MAPK8: variants seen among roughly 807,000 people sequenced by gnomAD.
The protein encoded by MAPK8 is JUN N-terminal kinase.
MAPK8 carries 13 observed loss-of-function variants against 52.9 expected under a neutral mutation model. That is an observed-to-expected ratio of 0.25 (90% CI 0.16 to 0.39). The LOEUF (loss-of-function observed/expected upper bound fraction) is 0.39. MAPK8 is among the 10% of genes least tolerant of loss of function. MAPK8 has a pLI of 1.00. For missense variants in MAPK8, 300 were observed against 519.2 expected, an observed-to-expected ratio of 0.58 and a Z score of 4.10; for synonymous variants, 191 against 169.8, an observed-to-expected ratio of 1.12 and a Z score of -0.97.
chr10:48,397,363 C>T (rs1429617008), intron 1 of MAPK8, among the ~76,000 whole-genome samples: 2 of 151,702 alleles, frequency 1.3e-5, no homozygotes, highest in African/African-American at 2.4e-5. Context: ...TCTATGTTGC[C>T]TAGGCTGGTC....
At chr10:48,382,455 A>G (rs942207818) in intron 1 of MAPK8, among the ~76,000 whole-genome samples, 3 of 152,152 alleles carry the variant, frequency 2.0e-5, no homozygotes, top group Admixed American at 6.5e-5. Context: ...AAAAATACAA[A>G]CATAAGTGAA....
intron 5 of MAPK8, among the ~76,000 whole-genome samples, chr10:48,410,780 C>T (rs990507661): frequency 1.3e-5 from 2 of 152,192 alleles, no homozygotes; most frequent in Non-Finnish European, 2.9e-5. Context: ...TCTTCACATC[C>T]TTGTCAGTAC....
intron 10 of MAPK8, 73 bp from the exon 11 acceptor site, chr10:48,431,120 C>G (rs1038244521): frequency 2.2e-6 from 2 of 923,554 alleles, no homozygotes; most frequent in East Asian, 2.5e-5. Context: ...AAAATTTCCA[C>G]TTAAACCATA....
intron 7 of MAPK8, chr10:48,424,646 A>G: frequency 9.0e-7 from 1 of 1,116,126 alleles, no homozygotes; most frequent in Non-Finnish European, 1.3e-6. Flanking sequence ...ATAGCACTTC[A>G]GTTTGGTCAG....
At chr10:48,325,235 C>T (rs1162902180) in intron 1 of MAPK8, among the ~76,000 whole-genome samples, 1 of 152,150 alleles carries the variant, frequency 6.6e-6, no homozygotes, top group African/African-American at 2.4e-5. Flanking sequence ...CTTGGCCTCC[C>T]GCCTGTCATC....
intron 1 of MAPK8, among the ~76,000 whole-genome samples, chr10:48,354,290 G>A (rs924263573): frequency 2.0e-5 from 3 of 152,204 alleles, no homozygotes; most frequent in Non-Finnish European, 2.9e-5. Flanking sequence ...TTTTTGCCCA[G>A]GGGGCATTTG....
rs796933310 is a variant in MAPK8, at chr10:48,425,118, A to G, written c.689-770A>G. On this transcript the variant is annotated intron_variant, in intron 7 of 11. Transcript: ENST00000374189. ...TTTTGTTCATCCCACTACTTTTAAT[A>G]TTTATATTAACAGTGATTTGTTATG... is the stretch of plus-strand genomic sequence containing the variant. The G allele has an allele frequency of 2.8e-5, 20 of 714,196 alleles. No individual in the cohort carries two copies. The African/African-American group carries it at 3.3e-4, about 12-fold the overall frequency. The allele number at this position is 714,196 out of a possible 1,614,324, so 44.2% of individuals were successfully genotyped here.
At chr10:48,425,087 C>A (rs1451856850) in intron 7 of MAPK8, 2 of 684,882 alleles carry the variant, frequency 2.9e-6, no homozygotes. Context: ...GCTTTGGATT[C>A]ATACTTTTTG....
chr10:48,324,503 G>GTTTTTTTTTTTTTGGTTTTTTTTTT (rs529248037), intron 1 of MAPK8, among the ~76,000 whole-genome samples: 16 of 118,016 alleles, frequency 1.4e-4, no homozygotes, highest in South Asian at 5.8e-4. Flanking sequence ...CTGTTTTCTA[G>GTTTTTTTTTTTTTGGTTTTTTTTTT]TTTTTTTTTT....
At chr10:48,341,564 A>G (rs1055669491) in intron 1 of MAPK8, among the ~76,000 whole-genome samples, 1 of 152,228 alleles carries the variant, frequency 6.6e-6, no homozygotes, top group African/African-American at 2.4e-5. Context: ...AAGCTATAGT[A>G]GATTTCATTT....
At chr10:48,416,943 A>G (rs149823201) in intron 5 of MAPK8, among the ~76,000 whole-genome samples, 1 of 152,218 alleles carries the variant, frequency 6.6e-6, no homozygotes, top group East Asian at 1.9e-4. Context: ...TCTTACCTAT[A>G]AAAGATTGGG....
chr10:48,369,464 C>T (rs1436379539), intron 1 of MAPK8, among the ~76,000 whole-genome samples: 1 of 152,042 alleles, frequency 6.6e-6, no homozygotes, highest in African/African-American at 2.4e-5. Context: ...TGTGCACGTG[C>T]AGAGTTTGAG....
intron 1 of MAPK8, among the ~76,000 whole-genome samples, chr10:48,342,389 G>C (rs903243641): frequency 3.9e-5 from 6 of 152,086 alleles, no homozygotes; most frequent in Admixed American, 3.9e-4. Flanking sequence ...ACAGCCATGA[G>C]CCACCACACC....
At chr10:48,405,091 A>G (rs954898855) in intron 3 of MAPK8, 110 bp downstream of exon 3, 1 of 448,572 alleles carries the variant, frequency 2.2e-6, no homozygotes, top group Non-Finnish European at 3.8e-6. Context: ...CTGTATTAAA[A>G]CATTGTTTAA....
At chr10:48,412,331 T>C (rs772771210) in intron 5 of MAPK8, among the ~76,000 whole-genome samples, 26 of 152,078 alleles carry the variant, frequency 1.7e-4, no homozygotes, top group Non-Finnish European at 3.1e-4. Context: ...GCAGATCTCT[T>C]TATGTTTATC....
At chr10:48,322,914 A>T (rs1396753270) in intron 1 of MAPK8, among the ~76,000 whole-genome samples, 2 of 152,154 alleles carry the variant, frequency 1.3e-5, no homozygotes, top group Non-Finnish European at 2.9e-5. Context: ...GGACTTGGGC[A>T]GGTGTCCAGT....
At chr10:48,327,355 T>C (rs1445344473) in intron 1 of MAPK8, among the ~76,000 whole-genome samples, 1 of 152,266 alleles carries the variant, frequency 6.6e-6, no homozygotes, top group Non-Finnish European at 1.5e-5. Context: ...TTGATTTATC[T>C]TCATTAGCCT....
chr10:48,405,275 A>T (rs1295989860), intron 3 of MAPK8, among the ~76,000 whole-genome samples: 1 of 152,184 alleles, frequency 6.6e-6, no homozygotes, highest in Non-Finnish European at 1.5e-5. Context: ...GCTTGATCTC[A>T]TCTTCTGCTT....
intron 5 of MAPK8, among the ~76,000 whole-genome samples, chr10:48,414,771 G>A (rs1425924288): frequency 6.6e-6 from 1 of 151,522 alleles, no homozygotes; most frequent in Non-Finnish European, 1.5e-5. Context: ...TTGTAGAGAC[G>A]GGGTCTTGCC....
Sources: allele counts gnomAD v4.1 joint callset (sites outside exome capture counted in the v4.1 genomes callset), GRCh38; gene constraint gnomAD v4.1.1; transcripts MANE v1.5; gene names NCBI Gene and HGNC (gene_info 2026-07-23, HGNC 2026-07-21).